Variants in UGT2A3 observed in about 807,000 individuals in gnomAD.
The protein encoded by UGT2A3 is UDP glucuronosyltransferase family 2 member A3, also known as UDP-glucuronosyltransferase 2A3.
A neutral mutation model predicts 44.1 loss-of-function variants in UGT2A3; 55 were observed. The observed-to-expected ratio is 1.25, with a 90% CI of 1.00 to 1.56. The LOEUF is 1.56. Among genes scored for constraint, UGT2A3 ranks in the 40% most tolerant of loss-of-function variants. The pLI is 0.00. For missense variants in UGT2A3, 733 were observed against 621.6 expected (o/e 1.18, Z -1.91); for synonymous variants, 243 against 215.1 (o/e 1.13, Z -1.13).
In UGT2A3 at chr4:68,945,461, A is replaced by C. The variant is rs373421810; in HGVS notation, c.716-7T>G. 2 of 1,588,064 alleles carry C rather than the reference A, an allele frequency of 1.3e-6. No individual in the cohort carries two copies. The highest frequency in any genetic ancestry group is 1.7e-6 in the Non-Finnish European group (2 of 1,167,160). ...CATAATGTAGTGGGCCTTCCTCAAT[A>C]AAAGAAATAACAGAATGAATTAGCA... is the stretch of plus-strand genomic sequence containing the variant. On this transcript the variant is annotated splice_polypyrimidine_tract_variant and splice_region_variant and intron_variant, in intron 1 of 5. Coordinates refer to ENST00000251566, the MANE Select transcript of UGT2A3 (RefSeq NM_024743.4).
At position 68,930,051 on chromosome 4, in the gene UGT2A3, T is replaced by A. The variant is rs1198306994; in HGVS notation, c.1346A>T (p.Asp449Val). 3 of 1,613,050 alleles carry A rather than the reference T, an allele frequency of 1.9e-6. No individual in the cohort carries two copies. Among genetic ancestry groups the A allele is most frequent in the Non-Finnish European group, 2.5e-6 (3 of 1,179,542 alleles). Residue 449 changes from aspartate (D) to valine (V), a missense_variant, in exon 6 of 6, where the codon GAT becomes GTT. Asp to Val is a radical substitution (Grantham distance 152). Transcript: ENST00000251566. Reference sequence around the variant, plus strand: ...TCGATCTAGGGGCTTTACAGGTTGATCATGGTGAATTCTTGATAATCTCAT... The same window carrying A: ...TCGATCTAGGGGCTTTACAGGTTGAACATGGTGAATTCTTGATAATCTCAT... The part of the protein sequence containing the change: ...NAMRLSRIHH[D>V]QPVKPLDRAV...
chr4:68,930,142 C>T (rs748276170), intron 5 of UGT2A3, 50 bp from the exon 6 acceptor site: 22 of 1,541,362 alleles, frequency 1.4e-5, no homozygotes, highest in Non-Finnish European at 1.7e-5. Flanking sequence ...GTTTTGTTTT[C>T]ATAAAAGACA....
Position 68,930,057 on chromosome 4 carries a change from T to C in UGT2A3, c.1340A>G (p.His447Arg). 1 of 1,613,022 alleles carries C rather than the reference T, an allele frequency of 6.2e-7. No homozygotes were observed. Among genetic ancestry groups the C allele is most frequent in the Non-Finnish European group, 8.5e-7 (1 of 1,179,476 alleles). The stretch of plus-strand genomic sequence containing the variant: ...TAGGGGCTTTACAGGTTGATCATGG[T>C]GAATTCTTGATAATCTCATAGCATT... ...KENAMRLSRI[H>R]HDQPVKPLDR... The change falls in exon 6 of 6, where the codon CAC (histidine) becomes CGC (arginine). Residue 447 changes from histidine (H) to arginine (R), a missense_variant. Physicochemically the swap from His to Arg is conservative, Grantham distance 29. Coordinates refer to ENST00000251566, the MANE Select transcript of UGT2A3 (RefSeq NM_024743.4).
chr4:68,951,349 G>C lies in UGT2A3; in HGVS notation c.412C>G (p.Leu138Val), dbSNP rs746916442. ...FIYNQTLMKKLQETNYDVMLI... is the reference protein window; with the variant it reads ...FIYNQTLMKKVQETNYDVMLI... ...ATTACATCGTAGTTGGTTTCCTGTAGCTTCTTCATAAGCGTCTGATTGTAG... is the reference window on the plus strand; with the variant it reads ...ATTACATCGTAGTTGGTTTCCTGTACCTTCTTCATAAGCGTCTGATTGTAG... The change falls in exon 1 of 6, where the codon CTA becomes GTA. Residue 138 changes from leucine to valine, a missense_variant. Coordinates refer to ENST00000251566, the MANE Select transcript of UGT2A3 (RefSeq NM_024743.4). 3.1e-6 allele frequency: 5 copies of C among 1,612,664 alleles called. No individual in the cohort carries two copies. Among genetic ancestry groups the C allele is most frequent in the Middle Eastern group, 3.3e-4 (2 of 6,044 alleles).
intron 1 of UGT2A3, among the ~76,000 whole-genome samples, chr4:68,949,618 A>T (rs1718506472): frequency 6.6e-6 from 1 of 151,930 alleles, no homozygotes; most frequent in South Asian, 2.1e-4. Context: ...AGCTTGACTC[A>T]AGGTTTTCAA....
chr4:68,948,424 T>C (rs1488044904), intron 1 of UGT2A3, among the ~76,000 whole-genome samples: 1 of 143,966 alleles, frequency 6.9e-6, no homozygotes, highest in Non-Finnish European at 1.5e-5. Flanking sequence ...TAATTTTTTT[T>C]CTTTTCTTTT....
intron 1 of UGT2A3, among the ~76,000 whole-genome samples, chr4:68,947,357 C>T (rs565867531): frequency 1.3e-4 from 19 of 151,840 alleles, no homozygotes; most frequent in South Asian, 4.1e-4. Context: ...ACCTCCTCAC[C>T]GGTTTTACAG....
chr4:68,936,609 G>A (rs1266396065), intron 2 of UGT2A3, among the ~76,000 whole-genome samples: 1 of 152,026 alleles, frequency 6.6e-6, no homozygotes, highest in Non-Finnish European at 1.5e-5. Flanking sequence ...GCAAAAACAT[G>A]CCAAATTGTA....
chr4:68,936,872 C>T (rs1287979681), intron 2 of UGT2A3, among the ~76,000 whole-genome samples: 14 of 67,500 alleles, frequency 2.1e-4, no homozygotes, highest in Non-Finnish European at 2.5e-4. Context: ...GGAAGATCTA[C>T]AAAGTAAATG....
At chr4:68,948,763 G>C (rs1718475511) in intron 1 of UGT2A3, among the ~76,000 whole-genome samples, 1 of 151,792 alleles carries the variant, frequency 6.6e-6, no homozygotes. Flanking sequence ...TTGTTTAACT[G>C]TTTGGTGCAA....
rs758776813 is a variant in UGT2A3, at chr4:68,951,113, A to C, written c.648T>G (p.Val216=). 1 of 1,611,364 alleles carries C rather than the reference A, an allele frequency of 6.2e-7. No individual in the cohort carries two copies. Among genetic ancestry groups the C allele is most frequent in the Non-Finnish European group, 8.5e-7 (1 of 1,178,734 alleles). The part of the protein sequence containing the change: ...LERVKNSMLS[V]LFHFWIQDYD... ...AATCCTGAATCCAGAAGTGGAACAA[A>C]ACTGAAAGCATTGAATTTTTTACTC... Residue 216 remains valine, a synonymous_variant, in exon 1 of 6, where the codon GTT becomes GTG. Coordinates refer to ENST00000251566, the MANE Select transcript of UGT2A3 (RefSeq NM_024743.4).
At chr4:68,937,239 C>T (rs1397772915) in intron 2 of UGT2A3, among the ~76,000 whole-genome samples, 3 of 152,242 alleles carry the variant, frequency 2.0e-5, no homozygotes, top group East Asian at 3.9e-4. Context: ...CTAAACTCTC[C>T]ACCCCAAATC....
At position 68,930,750 on chromosome 4, in the gene UGT2A3, T is replaced by C. The variant is rs150001469; in HGVS notation, c.1100A>G (p.Lys367Arg). ...CATTCCACCATGAGTGATAAAAGCT[T>C]TGGTTTTGGGATGACCTAGTATGTA... The part of the protein sequence containing the change: ...QNDLLGHPKT[K>R]AFITHGGMNG... Residue 367 changes from lysine to arginine, a missense_variant, in exon 5 of 6, where the codon AAA becomes AGA. Coordinates refer to ENST00000251566, the MANE Select transcript of UGT2A3 (RefSeq NM_024743.4). 9.2e-4 allele frequency: 1,468 copies of C among 1,598,862 alleles called. 17 individuals carry two copies. The African/African-American group carries it at 0.018, about 19-fold the overall frequency.
chr4:68,935,299 T>TATATATATATATATATATAC, intron 2 of UGT2A3, among the ~76,000 whole-genome samples: 1 of 89,948 alleles, frequency 1.1e-5, no homozygotes, highest in Non-Finnish European at 2.1e-5. Context: ...TATATATATA[T>TATATATATATATATATATAC]ATATATATAT....
At chr4:68,935,276 G>GTATATATATATACATATA (rs1717895851) in intron 2 of UGT2A3, among the ~76,000 whole-genome samples, 1 of 60,118 alleles carries the variant, frequency 1.7e-5, no homozygotes, top group Admixed American at 2.2e-4. Context: ...ATGTATGTAT[G>GTATATATATATACATATA]TATATATATA....
chr4:68,945,581 G>A (rs537391259), intron 1 of UGT2A3, 127 bp from the exon 2 acceptor site: 67 of 517,766 alleles, frequency 1.3e-4, no homozygotes, highest in South Asian at 1.2e-3. Context: ...GCTTTTAGAC[G>A]TCAAATGGAA....
At chr4:68,940,306 C>G (rs1402762179) in intron 2 of UGT2A3, among the ~76,000 whole-genome samples, 3 of 152,016 alleles carry the variant, frequency 2.0e-5, no homozygotes, top group Non-Finnish European at 4.4e-5. Flanking sequence ...CCCAAATGTC[C>G]AACAGTGATA....
At chr4:68,933,136 C>G (rs1235288506) in intron 2 of UGT2A3, among the ~76,000 whole-genome samples, 1 of 151,990 alleles carries the variant, frequency 6.6e-6, no homozygotes, top group African/African-American at 2.4e-5. Context: ...AGAAGACCTC[C>G]AGCATCAATC....
chr4:68,945,566 A>T, intron 1 of UGT2A3, 112 bp from the exon 2 acceptor site: 1 of 728,460 alleles, frequency 1.4e-6, no homozygotes, highest in Non-Finnish European at 2.0e-6. Flanking sequence ...CTCTAGAACA[A>T]CATGGCTTTT....
Sources: gnomAD v4.1 joint callset for allele counts (sites outside exome capture counted in the v4.1 genomes callset) on GRCh38, gnomAD v4.1.1 for gene constraint, MANE v1.5 for transcripts, NCBI Gene and HGNC (gene_info 2026-07-23, HGNC 2026-07-21) for gene names.